MACROD2: variants seen among roughly 807,000 people sequenced by gnomAD.
The protein encoded by MACROD2 is mono-ADP ribosylhydrolase 2, also known as ADP-ribose glycohydrolase MACROD2.
Under a neutral mutation model 70.4 loss-of-function variants are expected in MACROD2, and 36 were observed. The ratio of observed to expected loss-of-function variants is 0.51; its 90% CI spans 0.39 to 0.68. The LOEUF (loss-of-function observed/expected upper bound fraction) is 0.68, where lower values mean the gene tolerates loss of function less well. Ranked by LOEUF, MACROD2 falls within the 30% of genes least tolerant of loss-of-function variation. The pLI, the probability that MACROD2 is intolerant of heterozygous loss-of-function variation, is 0.00. For missense variants in MACROD2, 496 were observed against 538.4 expected, an observed-to-expected ratio of 0.92 and a Z score of 0.78; for synonymous variants, 172 against 178.8, an observed-to-expected ratio of 0.96 and a Z score of 0.30.
At chr20:14,618,570 G>C (rs1326122256) in intron 4 of MACROD2, among the ~76,000 whole-genome samples, 5 of 152,026 alleles carry the variant, frequency 3.3e-5, no homozygotes, top group Non-Finnish European at 1.5e-5. Flanking sequence ...AGTGGCATGT[G>C]GTGTAACGCA....
chr20:15,516,069 G>T (rs1308304434), intron 8 of MACROD2, among the ~76,000 whole-genome samples: 2 of 152,132 alleles, frequency 1.3e-5, no homozygotes, highest in Non-Finnish European at 2.9e-5. Flanking sequence ...CTCTTTTCCT[G>T]CAAAGGCTTG....
At chr20:14,891,900 C>T (rs1163338660) in intron 5 of MACROD2, among the ~76,000 whole-genome samples, 1 of 152,108 alleles carries the variant, frequency 6.6e-6, no homozygotes, top group African/African-American at 2.4e-5. Flanking sequence ...AAAATACTCT[C>T]CTGTCCTCCC....
chr20:15,893,758 C>T (rs981384361), intron 10 of MACROD2: 2 of 456,692 alleles, frequency 4.4e-6, no homozygotes, highest in South Asian at 1.5e-5. Flanking sequence ...ATCCCCACCT[C>T]CTCCACTGGG....
chr20:14,528,384 C>G (rs2085261153), intron 4 of MACROD2, among the ~76,000 whole-genome samples: 1 of 149,932 alleles, frequency 6.7e-6, no homozygotes, highest in South Asian at 2.1e-4. Flanking sequence ...CAACTCCAGA[C>G]CTCTGGTGAT....
intron 3 of MACROD2, among the ~76,000 whole-genome samples, chr20:14,132,163 A>T (rs113134193): frequency 1.4e-5 from 2 of 147,964 alleles, no homozygotes; most frequent in South Asian, 4.3e-4. Flanking sequence ...CTCCCACCTC[A>T]GCCTCCAGAG....
At chr20:15,344,970 C>G (rs999974017) in intron 6 of MACROD2, among the ~76,000 whole-genome samples, 1 of 152,150 alleles carries the variant, frequency 6.6e-6, no homozygotes, top group Non-Finnish European at 1.5e-5. Context: ...GGCTGGAAGC[C>G]TGAGATTAGG....
At chr20:15,940,640 T>C (rs1207862313) in intron 12 of MACROD2, among the ~76,000 whole-genome samples, 1 of 152,230 alleles carries the variant, frequency 6.6e-6, no homozygotes, top group Non-Finnish European at 1.5e-5. Flanking sequence ...AGATTACAAG[T>C]TGCTGAAGGC....
intron 4 of MACROD2, among the ~76,000 whole-genome samples, chr20:14,683,173 C>T (rs1045689107): frequency 6.6e-6 from 1 of 152,110 alleles, no homozygotes; most frequent in African/African-American, 2.4e-5. Context: ...GCCACTGTGC[C>T]CGGCCTTTAT....
At chr20:15,015,021 C>A (rs1284206959) in intron 5 of MACROD2, among the ~76,000 whole-genome samples, 2 of 152,074 alleles carry the variant, frequency 1.3e-5, no homozygotes, top group Non-Finnish European at 2.9e-5. Context: ...GACCATACGG[C>A]ATGTTGCATT....
chr20:15,540,850 C>T (rs1254378546), intron 8 of MACROD2, among the ~76,000 whole-genome samples: 1 of 152,196 alleles, frequency 6.6e-6, no homozygotes, highest in Non-Finnish European at 1.5e-5. Flanking sequence ...CTCCTGCCTT[C>T]ATCTTCACTG....
chr20:15,173,755 G>A (rs574529224), intron 5 of MACROD2, among the ~76,000 whole-genome samples: 45 of 152,160 alleles, frequency 3.0e-4, no homozygotes, highest in Non-Finnish European at 6.2e-4. Flanking sequence ...TTAGCATGGT[G>A]ATATCACGGT....
At chr20:14,330,027 T>C (rs2082804794) in intron 3 of MACROD2, among the ~76,000 whole-genome samples, 1 of 152,030 alleles carries the variant, frequency 6.6e-6, no homozygotes, top group Non-Finnish European at 1.5e-5. Flanking sequence ...AATTTTCTTT[T>C]AGCATACTGA....
intron 7 of MACROD2, among the ~76,000 whole-genome samples, chr20:15,432,434 C>T (rs541947114): frequency 7.9e-4 from 120 of 152,136 alleles, no homozygotes; most frequent in South Asian, 1.9e-3. Flanking sequence ...TCTCCAGATT[C>T]CCCTACAGCC....
At chr20:14,371,539 A>C (rs1394297673) in intron 3 of MACROD2, among the ~76,000 whole-genome samples, 2 of 152,130 alleles carry the variant, frequency 1.3e-5, no homozygotes, top group Non-Finnish European at 2.9e-5. Flanking sequence ...TTTTGTTTGT[A>C]TCCATTTGAA....
chr20:14,405,136 C>A (rs1419683404), intron 3 of MACROD2, among the ~76,000 whole-genome samples: 2 of 151,936 alleles, frequency 1.3e-5, no homozygotes, highest in South Asian at 2.1e-4. Context: ...AATCCAAGAC[C>A]ATGTTGAGAC....
intron 15 of MACROD2, among the ~76,000 whole-genome samples, chr20:16,022,366 AT>A (rs1342055157): frequency 1.3e-5 from 2 of 151,982 alleles, no homozygotes; most frequent in Admixed American, 6.6e-5. Flanking sequence ...TTCTTTTTTA[AT>A]TTTAGCTATA....
In MACROD2 at chr20:14,524,523, C is replaced by T. The variant is rs779550548; in HGVS notation, c.301+31015C>T. Among the ~76,000 whole-genome samples the T allele has an allele frequency of 2.3e-4, 24 of 103,130 alleles. No individual in the cohort carries two copies. In the South Asian group the frequency reaches 2.9e-3, roughly 12 times the overall value. The allele number at this position is 103,130 out of a possible 152,430, so 67.7% of individuals were successfully genotyped here. On this transcript the variant is annotated intron_variant, in intron 4 of 17. Coordinates refer to ENST00000684519, the MANE Select transcript of MACROD2 (RefSeq NM_001351661.2). ...GAATCTCACTTTTGTTTTGTTTCAA[C>T]GCCAAATGAGGACTAGCAGTGGCAA...
chr20:14,667,953 G>T (rs748541335), intron 4 of MACROD2, among the ~76,000 whole-genome samples: 2 of 152,054 alleles, frequency 1.3e-5, no homozygotes, highest in African/African-American at 4.8e-5. Context: ...TTCAAGACCA[G>T]CCTGGGCAAC....
At chr20:14,345,031 T>C (rs949540456) in intron 3 of MACROD2, among the ~76,000 whole-genome samples, 3 of 152,168 alleles carry the variant, frequency 2.0e-5, no homozygotes, top group African/African-American at 7.2e-5. Context: ...ACAAAGGATT[T>C]TGACTGACCA....
Sources: gnomAD v4.1 joint callset for allele counts (sites outside exome capture counted in the v4.1 genomes callset) on GRCh38, gnomAD v4.1.1 for gene constraint, MANE v1.5 for transcripts, NCBI Gene and HGNC (gene_info 2026-07-23, HGNC 2026-07-21) for gene names.